The following GRM3 variants were observed in gnomAD, a reference collection of about 807,000 sequenced individuals.
GRM3 encodes metabotropic glutamate receptor 3.
GRM3 carries 26 observed loss-of-function variants against 70.5 expected under a neutral mutation model. That is an observed-to-expected ratio of 0.37 (90% CI 0.27 to 0.51). GRM3 has a LOEUF of 0.51. GRM3 is among the 20% of genes least tolerant of loss of function. The probability of loss-of-function intolerance (pLI) is 0.93; values close to 1 mark genes in which losing one functional copy is unlikely to be tolerated. For missense variants in GRM3, 859 were observed against 1,123.8 expected (o/e 0.76, Z 3.37); for synonymous variants, 443 against 434.9 (o/e 1.02, Z -0.23).
At position 86,783,513 on chromosome 7, in the gene GRM3, TTGTGTGTGTG is replaced by T. The variant is rs3831547; in HGVS notation, c.469-2738_469-2729del. Among the ~76,000 whole-genome samples, 424 of 151,076 alleles carry T rather than the reference TTGTGTGTGTG, an allele frequency of 2.8e-3. 4 individuals are homozygous for T. The highest frequency in any genetic ancestry group is 9.9e-3 in the African/African-American group (409 of 41,246). ...TGACTATCAAAAGAGCAAAATATGT[TTGTGTGTGTG>T]TGTGTGTGTATGTACATACCCAGTA... On this transcript the variant is annotated intron_variant, in intron 2 of 5. Coordinates refer to ENST00000361669, the MANE Select transcript of GRM3 (RefSeq NM_000840.3).
At chr7:86,719,173 G>T (rs1395698716) in intron 1 of GRM3, among the ~76,000 whole-genome samples, 2 of 151,876 alleles carry the variant, frequency 1.3e-5, no homozygotes, top group East Asian at 3.9e-4. Context: ...CTTATTTAGG[G>T]TAATACAAAT....
intron 1 of GRM3, among the ~76,000 whole-genome samples, chr7:86,723,842 T>C (rs1445297488): frequency 6.6e-6 from 1 of 152,154 alleles, no homozygotes; most frequent in Non-Finnish European, 1.5e-5. Flanking sequence ...GAGGCATAGA[T>C]TGTACCAAGC....
chr7:86,670,469 G>A (rs1794142754), intron 1 of GRM3, among the ~76,000 whole-genome samples: 1 of 152,098 alleles, frequency 6.6e-6, no homozygotes, highest in Admixed American at 6.6e-5. Flanking sequence ...CCAGGAACAT[G>A]ACCTTGGAAA....
intron 1 of GRM3, among the ~76,000 whole-genome samples, chr7:86,710,590 T>C (rs984505260): frequency 1.5e-4 from 1 of 6,842 alleles, no homozygotes; most frequent in African/African-American, 5.7e-4. Context: ...AGGGGGCGGG[T>C]GGTGGGGAGA....
intron 3 of GRM3, among the ~76,000 whole-genome samples, chr7:86,809,124 T>C (rs952087562): frequency 6.6e-6 from 1 of 152,114 alleles, no homozygotes; most frequent in Non-Finnish European, 1.5e-5. Context: ...TCCCCCGCCA[T>C]TTAAATTTTC....
At chr7:86,649,451 C>T (rs576843569) in intron 1 of GRM3, among the ~76,000 whole-genome samples, 7 of 152,100 alleles carry the variant, frequency 4.6e-5, no homozygotes, top group Admixed American at 3.3e-4. Context: ...ATATAATCTA[C>T]GTAGGCATAG....
At position 86,679,624 on chromosome 7, in the gene GRM3, G is replaced by A. The variant is rs144501380; in HGVS notation, c.-141+34752G>A. Among the ~76,000 whole-genome samples, 4 of 152,056 alleles carry A rather than the reference G, an allele frequency of 2.6e-5. No homozygotes were observed. The East Asian group carries it at 5.8e-4, about 22-fold the overall frequency. ...TGTACATCAGACTAGGAAGAAAATA[G>A]GAGTATCTTCATTGGCATCTGCCGC... On this transcript the variant is annotated intron_variant, in intron 1 of 5. Coordinates refer to ENST00000361669, the MANE Select transcript of GRM3 (RefSeq NM_000840.3).
At chr7:86,782,065 C>G (rs1193583794) in intron 2 of GRM3, among the ~76,000 whole-genome samples, 2 of 152,140 alleles carry the variant, frequency 1.3e-5, no homozygotes, top group Admixed American at 1.3e-4. Flanking sequence ...TCGTTCAGTT[C>G]TAAGTGTTTC....
chr7:86,750,688 G>A (rs764711229), intron 1 of GRM3, among the ~76,000 whole-genome samples: 8 of 150,454 alleles, frequency 5.3e-5, no homozygotes, highest in Non-Finnish European at 1.0e-4. Flanking sequence ...ATAGACTAAA[G>A]TAGATTAAAA....
intron 1 of GRM3, among the ~76,000 whole-genome samples, chr7:86,706,003 A>AAATACAGCACCAGAC (rs1795049356): frequency 6.6e-6 from 1 of 152,142 alleles, no homozygotes; most frequent in African/African-American, 2.4e-5. Flanking sequence ...TCTGCAGATA[A>AAATACAGCACCAGAC]TCTGTCTAGG....
chr7:86,750,572 A>T lies in GRM3; in HGVS notation c.-140-14434A>T, dbSNP rs192589612. ...AAAGAGAAAAGAAGTGAATGGATAAAATCATTGAAACTGGTGCTGCTAAGA... is the reference window on the plus strand; with the variant it reads ...AAAGAGAAAAGAAGTGAATGGATAATATCATTGAAACTGGTGCTGCTAAGA... On this transcript the variant is annotated intron_variant, in intron 1 of 5. Transcript: ENST00000361669. Among the ~76,000 whole-genome samples, 492 of 152,146 alleles carry T rather than the reference A, an allele frequency of 3.2e-3. 4 individuals carry two copies. Among genetic ancestry groups the T allele is most frequent in the African/African-American group, 0.011 (463 of 41,542 alleles).
chr7:86,773,439 T>A (rs1270009471), intron 2 of GRM3, among the ~76,000 whole-genome samples: 1 of 151,900 alleles, frequency 6.6e-6, no homozygotes, highest in Non-Finnish European at 1.5e-5. Context: ...CTCACAGAGG[T>A]CAAGTTCCAA....
chr7:86,675,009 T>G (rs1471913868), intron 1 of GRM3, among the ~76,000 whole-genome samples: 1 of 152,140 alleles, frequency 6.6e-6, no homozygotes, highest in Non-Finnish European at 1.5e-5. Flanking sequence ...TAAAATAACT[T>G]TTCTATTACA....
chr7:86,758,247 C>T (rs1234007094), intron 1 of GRM3, among the ~76,000 whole-genome samples: 1 of 152,060 alleles, frequency 6.6e-6, no homozygotes, highest in Non-Finnish European at 1.5e-5. Flanking sequence ...GTCATATTGC[C>T]AATTGGTAAA....
At chr7:86,815,401 G>A (rs1797996013) in intron 3 of GRM3, among the ~76,000 whole-genome samples, 1 of 151,634 alleles carries the variant, frequency 6.6e-6, no homozygotes, top group Admixed American at 6.6e-5. Flanking sequence ...ACCTTTGACT[G>A]GTATGTTTGA....
At chr7:86,697,569 T>C (rs886509084) in intron 1 of GRM3, among the ~76,000 whole-genome samples, 2 of 152,146 alleles carry the variant, frequency 1.3e-5, no homozygotes, top group Non-Finnish European at 2.9e-5. Flanking sequence ...TCAATTTTCC[T>C]AAAAGTGTAA....
intron 3 of GRM3, chr7:86,832,981 T>C (rs980659961): frequency 1.0e-6 from 1 of 980,934 alleles, no homozygotes; most frequent in African/African-American, 1.7e-5. Flanking sequence ...TTATAAAAAA[T>C]TCTTCCATCT....
chr7:86,807,032 G>A (rs1270842190), intron 3 of GRM3, among the ~76,000 whole-genome samples: 5 of 89,848 alleles, frequency 5.6e-5, no homozygotes, highest in Non-Finnish European at 1.0e-4. Context: ...TTTTTGTCAG[G>A]TTTGTCAAAG....
intron 1 of GRM3, among the ~76,000 whole-genome samples, chr7:86,737,791 T>A (rs1251931256): frequency 2.0e-5 from 3 of 152,058 alleles, no homozygotes; most frequent in Non-Finnish European, 4.4e-5. Flanking sequence ...ATAAATATGA[T>A]CTGTAAAGCA....
Sources: allele counts gnomAD v4.1 joint callset (sites outside exome capture counted in the v4.1 genomes callset), GRCh38; gene constraint gnomAD v4.1.1; transcripts MANE v1.5; gene names NCBI Gene and HGNC (gene_info 2026-07-23, HGNC 2026-07-21).